The following SLC28A3 variants were observed in gnomAD, a reference collection of about 807,000 sequenced individuals.
SLC28A3 encodes solute carrier family 28 member 3, also known as concentrative Na(+)-nucleoside cotransporter 3.
A neutral mutation model predicts 84.2 loss-of-function variants in SLC28A3; 68 were observed. That is an observed-to-expected ratio of 0.81 (90% CI 0.66 to 0.99). The LOEUF (loss-of-function observed/expected upper bound fraction) is 0.99, where lower values mean the gene tolerates loss of function less well. Among genes scored for constraint, SLC28A3 ranks in the 50% least tolerant of loss-of-function variants. The pLI, the probability that SLC28A3 is intolerant of heterozygous loss-of-function variation, is 0.00. For synonymous variants in SLC28A3, 267 were observed against 303.6 expected (o/e 0.88, Z 1.25); for missense variants, 712 against 841.5 (o/e 0.85, Z 1.90).
rs1194072790 is a variant in SLC28A3 at position 84,313,504 on chromosome 9, A to C, written c.61-50T>G. Reference sequence around the variant, plus strand: ...AAATAAAAAGTTACAGCCAAAAGACAGATGTTCTTTCATGAAAAATACCTA... The same window carrying C: ...AAATAAAAAGTTACAGCCAAAAGACCGATGTTCTTTCATGAAAAATACCTA... On this transcript the variant is annotated intron_variant, in intron 1 of 17. Transcript: ENST00000376238. 4 of 1,486,340 alleles carry C rather than the reference A, an allele frequency of 2.7e-6. No individual in the cohort carries two copies. In the Admixed American group the frequency reaches 5.4e-5, roughly 20 times the overall value. 92.1% of individuals were successfully genotyped at this position (1,486,340 alleles called of 1,614,324 possible).
rs1211688409 is a variant in SLC28A3, at chr9:84,292,716, T to C, written c.975A>G (p.Ser325=). The change falls in exon 10 of 18, where the codon TCA becomes TCG. Residue 325 remains serine (S), a synonymous_variant. Transcript: ENST00000376238. ...VGWIMLVTTG[S]SPIESVVASG... ...AAGCAACTACAGATTCAATAGGAGA[T>C]GATCCCGTAGTAACTAGCATGATCC... is the stretch of plus-strand genomic sequence containing the variant. The C allele has an allele frequency of 1.9e-6, 3 of 1,607,582 alleles. No individual in the cohort carries two copies. The East Asian group carries it at 6.8e-5, about 36-fold the overall frequency.
chr9:84,319,520 A>G (rs73649408), intron 1 of SLC28A3, among the ~76,000 whole-genome samples: 1 of 152,150 alleles, frequency 6.6e-6, no homozygotes, highest in Non-Finnish European at 1.5e-5. Context: ...AAATAAAAAC[A>G]TAAAAATTAT....
At chr9:84,327,570 C>A (rs1461561640) in intron 1 of SLC28A3, among the ~76,000 whole-genome samples, 2 of 152,054 alleles carry the variant, frequency 1.3e-5, no homozygotes, top group East Asian at 3.9e-4. Flanking sequence ...ATTGGAGTTA[C>A]CCCAAAGTCC....
chr9:84,342,136 AAAAAAAAAG>A (rs1241335134), upstream of SLC28A3, among the ~76,000 whole-genome samples: 14 of 134,854 alleles, frequency 1.0e-4, no homozygotes, highest in Non-Finnish European at 1.8e-4. Context: ...TCAAAAAAAA[AAAAAAAAAG>A]AAAAGAAAAA....
chr9:84,327,866 C>T (rs1335238803), intron 1 of SLC28A3, among the ~76,000 whole-genome samples: 5 of 141,038 alleles, frequency 3.5e-5, no homozygotes, highest in South Asian at 2.2e-4. Flanking sequence ...GCAGAGGTTG[C>T]AGTCAGCCAA....
rs1301425332 is a variant in SLC28A3 at position 84,285,385 on chromosome 9, CCTT to C, written c.1604_1606del (p.Glu535del). On this transcript the variant is annotated inframe_deletion, in exon 14 of 18. Transcript: ENST00000376238. ...CACACCGTTTACAAATTTGGGTCCA[CCTT>C]CTTTCCTCAAGTGGATCCATTTTGA... 6.2e-7 allele frequency: 1 copy of C among 1,613,910 alleles called. No individual in the cohort carries two copies. The highest frequency in any genetic ancestry group is 8.5e-7 in the Non-Finnish European group (1 of 1,179,932).
chr9:84,340,716 C>G lies in SLC28A3; in HGVS notation c.-83G>C. ...ACCAGTCTCTGCTGATGTCAGAAAG[C>G]CACCTGCTGTTACAGGGACCTGGGC... On this transcript the variant is annotated 5_prime_UTR_variant, in exon 1 of 18. Transcript: ENST00000376238. 6.6e-7 allele frequency: 1 copy of G among 1,515,372 alleles called. No individual in the cohort carries two copies. Among genetic ancestry groups the G allele is most frequent in the South Asian group, 1.1e-5 (1 of 88,322 alleles). The allele number at this position is 1,515,372 out of a possible 1,614,324, so 93.9% of individuals were successfully genotyped here.
intron 1 of SLC28A3, among the ~76,000 whole-genome samples, chr9:84,333,505 A>G (rs1030232094): frequency 2.1e-4 from 32 of 152,338 alleles, no homozygotes; most frequent in African/African-American, 7.2e-4. Context: ...TCAAATAAAA[A>G]TGGAAAAAAT....
chr9:84,286,319 G>A (rs1163380809), intron 12 of SLC28A3, among the ~76,000 whole-genome samples: 1 of 152,012 alleles, frequency 6.6e-6, no homozygotes, highest in Non-Finnish European at 1.5e-5. Context: ...AAGAGATAGG[G>A]TCTTGTTCTG....
intron 3 of SLC28A3, among the ~76,000 whole-genome samples, chr9:84,308,929 G>A (rs565681625): frequency 2.0e-5 from 3 of 152,322 alleles, no homozygotes; most frequent in South Asian, 2.1e-4. Context: ...AAGAGAAACC[G>A]TTTGTTGGGA....
chr9:84,320,987 A>G lies in SLC28A3; in HGVS notation c.61-7533T>C, dbSNP rs917269194. ...ATCTCAAAAGAAAAAAAAAAAAAAGAAAGAAAAGCTTTCAACCATGAATTA... is the reference window on the plus strand; with the variant it reads ...ATCTCAAAAGAAAAAAAAAAAAAAGGAAGAAAAGCTTTCAACCATGAATTA... On this transcript the variant is annotated intron_variant, in intron 1 of 17. Transcript: ENST00000376238. 5.4e-5 allele frequency among the ~76,000 whole-genome samples: 8 copies of G among 147,720 alleles called. No individual in the cohort carries two copies. The South Asian group carries it at 1.3e-3, about 24-fold the overall frequency.
chr9:84,285,895 AAGAT>A (rs1824963556), intron 13 of SLC28A3, 44 bp downstream of exon 13: 1 of 1,573,058 alleles, frequency 6.4e-7, no homozygotes, highest in Non-Finnish European at 8.6e-7. Context: ...TTTTTAAACA[AAGAT>A]AGGCAGAAAC....
the SLC28A3 span, among the ~76,000 whole-genome samples, chr9:84,366,443 C>T: frequency 5.3e-5 from 8 of 151,888 alleles, no homozygotes; most frequent in Non-Finnish European, 1.2e-4. Flanking sequence ...GGTGTTGATG[C>T]TAGTAGATGT....
the SLC28A3 span, among the ~76,000 whole-genome samples, chr9:84,348,977 G>A: frequency 6.6e-6 from 1 of 150,858 alleles, no homozygotes. Flanking sequence ...GGGCGATCTC[G>A]GCTCACTGCA....
chr9:84,323,426 ATTT>A (rs398011264), intron 1 of SLC28A3, among the ~76,000 whole-genome samples: 1 of 141,146 alleles, frequency 7.1e-6, no homozygotes, highest in Admixed American at 7.1e-5. Flanking sequence ...TCAGTACATG[ATTT>A]TTTTTTTTTT....
intron 11 of SLC28A3, among the ~76,000 whole-genome samples, chr9:84,288,743 A>G (rs568110368): frequency 1.1e-3 from 172 of 152,002 alleles, no homozygotes; most frequent in African/African-American, 4.0e-3. Context: ...ATGGGGTTTC[A>G]ACCATGTTGG....
intron 10 of SLC28A3, among the ~76,000 whole-genome samples, chr9:84,291,524 C>T (rs190401888): frequency 2.0e-5 from 3 of 152,090 alleles, no homozygotes; most frequent in Non-Finnish European, 2.9e-5. Context: ...TTAGTAGAGA[C>T]GGGGTTTCTC....
chr9:84,360,716 G>A, the SLC28A3 span, among the ~76,000 whole-genome samples: 1 of 151,494 alleles, frequency 6.6e-6, no homozygotes, highest in South Asian at 2.1e-4. Context: ...TCAGGAGTTT[G>A]AGACCAGTCT....
chr9:84,306,592 T>C (rs1050599306), intron 3 of SLC28A3, among the ~76,000 whole-genome samples: 1 of 152,092 alleles, frequency 6.6e-6, no homozygotes, highest in African/African-American at 2.4e-5. Flanking sequence ...GGCTGAATAA[T>C]TCCCAACCCA....
Sources: allele counts gnomAD v4.1 joint callset (sites outside exome capture counted in the v4.1 genomes callset), GRCh38; gene constraint gnomAD v4.1.1; transcripts MANE v1.5; gene names NCBI Gene and HGNC (gene_info 2026-07-23, HGNC 2026-07-21).